Variants in SAMD8 observed in about 807,000 individuals in gnomAD.
The protein encoded by SAMD8 is sphingomyelin synthase-related protein 1.
Under a neutral mutation model 42.0 loss-of-function variants are expected in SAMD8, and 20 were observed. The ratio of observed to expected loss-of-function variants is 0.48; its 90% CI spans 0.34 to 0.69. SAMD8 has a LOEUF of 0.69. Ranked by LOEUF, SAMD8 falls within the 30% of genes least tolerant of loss-of-function variation. The pLI, the probability that SAMD8 is intolerant of heterozygous loss-of-function variation, is 0.01. For missense variants in SAMD8, 328 were observed against 511.6 expected (o/e 0.64, Z 3.46); for synonymous variants, 162 against 173.0 (o/e 0.94, Z 0.50).
intron 2 of SAMD8, among the ~76,000 whole-genome samples, chr10:75,163,600 A>G (rs1207055541): frequency 6.6e-6 from 1 of 151,844 alleles, no homozygotes; most frequent in African/African-American, 2.4e-5. Context: ...GCATCTGGCT[A>G]ATTTTTGTAT....
At position 75,120,471 on chromosome 10, in the gene SAMD8, G is replaced by A. The variant is rs1196982894; in HGVS notation, c.-16+8749G>A. 3.3e-5 allele frequency among the ~76,000 whole-genome samples: 5 copies of A among 151,496 alleles called. 1 individual carries two copies. The East Asian group carries it at 7.8e-4, about 24-fold the overall frequency. On this transcript the variant is annotated intron_variant, in intron 1 of 5. Transcript: ENST00000542569. ...TTTTTAGTAGAGATGGGGTTTCACC[G>A]TGTTAGCCAGGATGGTCTCTATCTC...
At position 75,105,778 on chromosome 10, in the gene SAMD8, C is replaced by T. The variant is rs772951962; in HGVS notation, c.-16+6050C>T. 6.8e-5 allele frequency: 106 copies of T among 1,551,498 alleles called. 1 individual carries two copies. The Middle Eastern group carries it at 8.0e-4, about 12-fold the overall frequency. On this transcript the variant is annotated intron_variant, in intron 1 of 3. Coordinates refer to the SAMD8 transcript ENST00000447533. ...CTGCCTCACGGTGATCACCGCCTGG[C>T]GCAGGGACAGCCGCTGGTGCAGCAT...
intron 1 of SAMD8, among the ~76,000 whole-genome samples, chr10:75,138,453 A>T (rs1218981194): frequency 6.6e-6 from 1 of 152,202 alleles, no homozygotes; most frequent in African/African-American, 2.4e-5. Context: ...GTGGTAGAAC[A>T]CATTTGGATT....
Position 75,117,652 on chromosome 10 carries a change from G to A in SAMD8, c.-16+5930G>A, listed in dbSNP as rs572035943. Among the ~76,000 whole-genome samples, 7 of 152,238 alleles carry A rather than the reference G, an allele frequency of 4.6e-5. No individual in the cohort carries two copies. The South Asian group carries it at 1.2e-3, about 27-fold the overall frequency. On this transcript the variant is annotated intron_variant, in intron 1 of 5. Transcript: ENST00000542569. ...GAATTGCTTGATCCCAGGAGGCAGA[G>A]GTTGCAGTGAGCCGAGATTGCGCCA...
chr10:75,125,986 T>C (rs1035874693), intron 1 of SAMD8: 12 of 152,246 alleles, frequency 7.9e-5, no homozygotes, highest in African/African-American at 2.4e-4. Flanking sequence ...GTTTATATTT[T>C]CAACTTTTTA....
rs2132226797 is a variant in SAMD8 at position 75,179,373 on chromosome 10, A to T, written c.*2681A>T. ...ATCAATCAATCAATCAATAACAAAAACTTAAATAGCTATTAACCTCAGTCT... is the reference window on the plus strand; with the variant it reads ...ATCAATCAATCAATCAATAACAAAATCTTAAATAGCTATTAACCTCAGTCT... On this transcript the variant is annotated 3_prime_UTR_variant, in exon 6 of 6. Coordinates refer to ENST00000542569, the MANE Select transcript of SAMD8 (RefSeq NM_001174156.2). 1 of 152,334 alleles carries T rather than the reference A, an allele frequency of 6.6e-6. No individual in the cohort carries two copies. The highest frequency in any genetic ancestry group is 2.4e-5 in the African/African-American group (1 of 41,592). The allele number at this position is 152,334 out of a possible 1,614,324, so 9.4% of individuals were successfully genotyped here. A position where few individuals can be genotyped will look rare whatever the true frequency, so the allele number is the denominator to read the frequency against.
chr10:75,173,724 TG>T (rs1415112342), intron 4 of SAMD8, among the ~76,000 whole-genome samples: 1 of 152,194 alleles, frequency 6.6e-6, no homozygotes, highest in Non-Finnish European at 1.5e-5. Context: ...TTCCCTCAAA[TG>T]AGGCAGAAAG....
chr10:75,139,253 G>A (rs2395140), intron 1 of SAMD8, among the ~76,000 whole-genome samples: 84,324 of 151,890 alleles, frequency 0.56, 25,271 homozygotes, highest in East Asian at 0.9. Flanking sequence ...ATAGGCGTGG[G>A]TCACCACCCA....
At chr10:75,169,763 C>T (rs1044663224) in intron 4 of SAMD8, among the ~76,000 whole-genome samples, 1 of 151,986 alleles carries the variant, frequency 6.6e-6, no homozygotes, top group African/African-American at 2.4e-5. Flanking sequence ...CAGAAAATTA[C>T]CTGGTCGTGG....
chr10:75,137,231 T>C (rs566471254), intron 1 of SAMD8, among the ~76,000 whole-genome samples: 13 of 152,272 alleles, frequency 8.5e-5, no homozygotes, highest in African/African-American at 3.1e-4. Flanking sequence ...GAAGGGGATA[T>C]TATTCAGCCT....
chr10:75,125,921 A>T (rs1228573715), intron 1 of SAMD8: 1 of 152,238 alleles, frequency 6.6e-6, no homozygotes, highest in Admixed American at 6.5e-5. Flanking sequence ...GGAAAAAGAT[A>T]AAGTGGAGAT....
chr10:75,143,388 C>T (rs1778637892), intron 1 of SAMD8, among the ~76,000 whole-genome samples: 1 of 152,164 alleles, frequency 6.6e-6, no homozygotes. Flanking sequence ...GTGTTCATTT[C>T]TTTGTGTAGA....
At chr10:75,138,191 A>C (rs1415130304) in intron 1 of SAMD8, among the ~76,000 whole-genome samples, 1 of 152,168 alleles carries the variant, frequency 6.6e-6, no homozygotes, top group Non-Finnish European at 1.5e-5. Context: ...TTAGCTTTTC[A>C]GACTGTGTAG....
intron 3 of SAMD8, among the ~76,000 whole-genome samples, chr10:75,166,015 C>G (rs1184204545): frequency 2.0e-5 from 3 of 148,794 alleles, no homozygotes; most frequent in South Asian, 2.1e-4. Context: ...TTATTTTGTA[C>G]AACATGTACA....
intron 1 of SAMD8, among the ~76,000 whole-genome samples, chr10:75,104,653 T>C (rs147889995): frequency 5.9e-5 from 9 of 152,268 alleles, no homozygotes; most frequent in Non-Finnish European, 1.3e-4. Flanking sequence ...TCAGACCTTC[T>C]ACCCACAGAG....
chr10:75,105,006 C>T lies in SAMD8; in HGVS notation c.-16+5278C>T, dbSNP rs559485397. ...AGTCACCCACCCCCAAATGGCAGCC[C>T]GTCTGTGGCATGGGGTGGTAGGGAC... On this transcript the variant is annotated intron_variant, in intron 1 of 3. Coordinates refer to the SAMD8 transcript ENST00000447533. Among the ~76,000 whole-genome samples the T allele has an allele frequency of 5.3e-5, 8 of 152,242 alleles. No homozygotes were observed. The East Asian group carries it at 1.5e-3, about 29-fold the overall frequency.
Position 75,103,850 on chromosome 10 carries a change from C to A in SAMD8, c.-16+4122C>A, listed in dbSNP as rs1354226914. 4 of 1,262,200 alleles carry A rather than the reference C, an allele frequency of 3.2e-6. No homozygotes were observed. The South Asian group carries it at 3.9e-5, about 12-fold the overall frequency. The allele number at this position is 1,262,200 out of a possible 1,614,324, so 78.2% of individuals were successfully genotyped here. A position where few individuals can be genotyped will look rare whatever the true frequency, so the allele number is the denominator to read the frequency against. ...TTCCCAGGGAACTTGGGGTCCCTGGCCAAGAAGCCTGAGGGCTTGGCTGAG... is the reference window on the plus strand; with the variant it reads ...TTCCCAGGGAACTTGGGGTCCCTGGACAAGAAGCCTGAGGGCTTGGCTGAG... On this transcript the variant is annotated intron_variant, in intron 1 of 3. Transcript: ENST00000447533.
chr10:75,131,935 T>G (rs566373986), intron 1 of SAMD8, among the ~76,000 whole-genome samples: 29 of 152,378 alleles, frequency 1.9e-4, no homozygotes, highest in South Asian at 8.3e-4. Context: ...CTGTCTCTTC[T>G]GAGATTCTGA....
intron 2 of SAMD8, among the ~76,000 whole-genome samples, chr10:75,160,818 A>G (rs1303232662): frequency 1.3e-5 from 2 of 152,204 alleles, no homozygotes; most frequent in African/African-American, 4.8e-5. Flanking sequence ...GCATCACTCA[A>G]GGCCAGGTAC....
Sources: gnomAD v4.1 joint callset for allele counts (sites outside exome capture counted in the v4.1 genomes callset) on GRCh38, gnomAD v4.1.1 for gene constraint, MANE v1.5 for transcripts, NCBI Gene and HGNC (gene_info 2026-07-23, HGNC 2026-07-21) for gene names.